Variants in UQCC2 observed in about 807,000 individuals in gnomAD.
UQCC2 encodes the protein breast cancer-associated protein SGA-81M.
In UQCC2, 21 loss-of-function variants were observed where a neutral mutation model predicts 19.9. That is an observed-to-expected ratio of 1.05 (90% CI 0.75 to 1.52). The LOEUF is 1.52. Among genes scored for constraint, UQCC2 ranks in the 40% most tolerant of loss-of-function variants. The probability of loss-of-function intolerance (pLI) is 0.00; values close to 1 mark genes in which losing one functional copy is unlikely to be tolerated. For synonymous variants in UQCC2, 57 were observed against 60.9 expected, an observed-to-expected ratio of 0.94 and a Z score of 0.30; for missense variants, 135 against 157.5, an observed-to-expected ratio of 0.86 and a Z score of 0.76.
chr6:33,701,330 A>G lies in UQCC2; in HGVS notation c.213+16T>C, dbSNP rs757611445. 1.9e-6 allele frequency: 3 copies of G among 1,607,468 alleles called. No individual in the cohort carries two copies. Among genetic ancestry groups the G allele is most frequent in the Middle Eastern group, 3.3e-4 (2 of 6,068 alleles). On this transcript the variant is annotated intron_variant, in intron 2 of 3. Transcript: ENST00000607484. ...CGTCAGAAAGCTGGGTATATAAAAG[A>G]CTGTGGCCCACTCACCTTGTGTTTG...
At chr6:33,700,340 G>A in intron 3 of UQCC2, 104 bp downstream of exon 3, 2 of 1,304,770 alleles carry the variant, frequency 1.5e-6, no homozygotes, top group South Asian at 1.2e-5. Context: ...TGTTCTACAA[G>A]ACTTTCCATC....
chr6:33,711,507 G>A, intron 1 of UQCC2, 42 bp downstream of exon 1: 2 of 1,563,218 alleles, frequency 1.3e-6, no homozygotes, highest in African/African-American at 1.4e-5. Flanking sequence ...CCCCTGCCTC[G>A]TCCTTTCCTC....
chr6:33,696,790 T>C lies in UQCC2; in HGVS notation c.*863A>G, dbSNP rs1765563225. The C allele has an allele frequency of 6.6e-6, 1 of 152,238 alleles. No homozygotes were observed. The highest frequency in any genetic ancestry group is 6.5e-5 in the Admixed American group (1 of 15,288). The allele number at this position is 152,238 out of a possible 1,614,324, so 9.4% of individuals were successfully genotyped here. ...TTCTACGGCAGTCCTGTCGATTTTA[T>C]TTTATGCATTTCAGAACATCCTGAG... On this transcript the variant is annotated 3_prime_UTR_variant, in exon 4 of 4. Coordinates refer to ENST00000607484, the MANE Select transcript of UQCC2 (RefSeq NM_032340.4).
chr6:33,706,713 C>A (rs1018005259), intron 1 of UQCC2, among the ~76,000 whole-genome samples: 3 of 152,206 alleles, frequency 2.0e-5, no homozygotes, highest in Non-Finnish European at 4.4e-5. Context: ...GTGTTTTAGG[C>A]AGACAGGGCT....
chr6:33,697,772 A>G, intron 3 of UQCC2, 22 bp from the exon 4 acceptor site: 2 of 1,595,474 alleles, frequency 1.3e-6, no homozygotes, highest in East Asian at 2.2e-5. Flanking sequence ...GAAGACAAAA[A>G]GAGAGAGGGA....
At chr6:33,706,143 T>C (rs1459864669) in intron 1 of UQCC2, among the ~76,000 whole-genome samples, 1 of 152,232 alleles carries the variant, frequency 6.6e-6, no homozygotes, top group African/African-American at 2.4e-5. Context: ...CAGCGGCCCC[T>C]ATTCTAGTCA....
intron 1 of UQCC2, 81 bp from the exon 2 acceptor site, chr6:33,701,501 CTTAA>C (rs1765640042): frequency 7.2e-7 from 1 of 1,393,052 alleles, no homozygotes; most frequent in Non-Finnish European, 9.9e-7. Flanking sequence ...AAAGACCATA[CTTAA>C]TAAAGCGTTC....
intron 1 of UQCC2, among the ~76,000 whole-genome samples, chr6:33,708,490 A>C (rs937291510): frequency 6.6e-6 from 1 of 152,202 alleles, no homozygotes; most frequent in Non-Finnish European, 1.5e-5. Flanking sequence ...ACGCCGGCAA[A>C]GGTGCACTGT....
intron 1 of UQCC2, among the ~76,000 whole-genome samples, chr6:33,706,103 T>C (rs1436058860): frequency 6.6e-6 from 1 of 152,174 alleles, no homozygotes; most frequent in Admixed American, 6.5e-5. Flanking sequence ...ATTTTGCAAA[T>C]TGAATTTTGG....
chr6:33,708,352 C>T (rs1765723993), intron 1 of UQCC2, among the ~76,000 whole-genome samples: 1 of 152,214 alleles, frequency 6.6e-6, no homozygotes, highest in Non-Finnish European at 1.5e-5. Flanking sequence ...GGGTCTGTTT[C>T]TCACTTGGCT....
At chr6:33,698,062 G>A (rs1370140105) in intron 3 of UQCC2, 1 of 315,386 alleles carries the variant, frequency 3.2e-6, no homozygotes, top group Non-Finnish European at 5.9e-6. Flanking sequence ...CAAAGAAATG[G>A]CCCTGCGCTG....
intron 1 of UQCC2, among the ~76,000 whole-genome samples, chr6:33,704,755 C>A (rs1235152781): frequency 6.6e-6 from 1 of 152,174 alleles, no homozygotes; most frequent in Non-Finnish European, 1.5e-5. Context: ...CAGATCCCCA[C>A]CCTCAAATAC....
At position 33,703,950 on chromosome 6, in the gene UQCC2, C is replaced by A. The variant is rs1364658619; in HGVS notation, c.139-2530G>T. Among the ~76,000 whole-genome samples the A allele has an allele frequency of 2.0e-5, 3 of 152,156 alleles. No individual in the cohort carries two copies. The South Asian group carries it at 6.2e-4, about 31-fold the overall frequency. On this transcript the variant is annotated intron_variant, in intron 1 of 3. Transcript: ENST00000607484. ...ATGTATCTTTTAGTCTCCTTTAATCCGGGACCGTTCCTCGGCCTTTGTCTT... is the reference window on the plus strand; with the variant it reads ...ATGTATCTTTTAGTCTCCTTTAATCAGGGACCGTTCCTCGGCCTTTGTCTT...
intron 1 of UQCC2, among the ~76,000 whole-genome samples, chr6:33,706,288 T>C (rs1765697110): frequency 6.6e-6 from 1 of 152,136 alleles, no homozygotes; most frequent in Non-Finnish European, 1.5e-5. Context: ...CTGAAATGAG[T>C]TCATTCTGTT....
Position 33,711,682 on chromosome 6 carries a change from G to A in UQCC2, c.5C>T (p.Ala2Val), listed in dbSNP as rs750150182. Reference sequence around the variant, plus strand: ...AAGAAAACGCCGGTACCGGCTGGCCGCCATCTTGGGCCCCGCGTGTTCCCG... The same window carrying A: ...AAGAAAACGCCGGTACCGGCTGGCCACCATCTTGGGCCCCGCGTGTTCCCG... Reference protein sequence around the residue: MAASRYRRFLKL... With the variant: MVASRYRRFLKL... Residue 2 changes from alanine (A) to valine (V), a missense_variant, in exon 1 of 4, where the codon GCG (alanine) becomes GTG (valine). Coordinates refer to ENST00000607484, the MANE Select transcript of UQCC2 (RefSeq NM_032340.4). 3.7e-6 allele frequency: 6 copies of A among 1,607,292 alleles called. No homozygotes were observed. Among genetic ancestry groups the A allele is most frequent in the Non-Finnish European group, 5.1e-6 (6 of 1,177,686 alleles).
chr6:33,700,624 A>T, intron 2 of UQCC2, 111 bp from the exon 3 acceptor site: 2 of 1,110,490 alleles, frequency 1.8e-6, no homozygotes, highest in Non-Finnish European at 2.7e-6. Context: ...CAGGAGGCCT[A>T]GCAAGGAGAA....
At position 33,705,321 on chromosome 6, in the gene UQCC2, G is replaced by A. The variant is rs150917513; in HGVS notation, c.139-3901C>T. 1.7e-3 allele frequency among the ~76,000 whole-genome samples: 260 copies of A among 151,004 alleles called. 1 individual carries two copies. The highest frequency in any genetic ancestry group is 5.5e-3 in the African/African-American group (227 of 41,444). ...GCTGGGATTACAGGCTTGAGCCACC[G>A]CACCCGACCACTCTCACTTCTGAAA... is the stretch of plus-strand genomic sequence containing the variant. On this transcript the variant is annotated intron_variant, in intron 1 of 3. Coordinates refer to ENST00000607484, the MANE Select transcript of UQCC2 (RefSeq NM_032340.4).
At chr6:33,697,881 G>C in intron 3 of UQCC2, 131 bp from the exon 4 acceptor site, 2 of 694,636 alleles carry the variant, frequency 2.9e-6, no homozygotes, top group South Asian at 3.7e-5. Context: ...AAAAGGTGGA[G>C]ACCCAGCTCC....
intron 3 of UQCC2, 159 bp from the exon 4 acceptor site, chr6:33,697,909 A>G (rs1765586293): frequency 4.9e-6 from 3 of 616,742 alleles, no homozygotes; most frequent in Non-Finnish European, 8.5e-6. Context: ...CAGATCAAAC[A>G]GGTAACAGAA....
Sources: gnomAD v4.1 joint callset for allele counts (sites outside exome capture counted in the v4.1 genomes callset) on GRCh38, gnomAD v4.1.1 for gene constraint, MANE v1.5 for transcripts, NCBI Gene and HGNC (gene_info 2026-07-23, HGNC 2026-07-21) for gene names.